VIPR2: variants seen among roughly 807,000 people sequenced by gnomAD.
The protein encoded by VIPR2 is vasoactive intestinal polypeptide receptor 2.
Under a neutral mutation model 58.0 loss-of-function variants are expected in VIPR2, and 48 were observed. The observed-to-expected ratio is 0.83, with a 90% confidence interval of 0.66 to 1.05. The LOEUF (loss-of-function observed/expected upper bound fraction) is 1.05. Among genes scored for constraint, VIPR2 ranks in the 50% least tolerant of loss-of-function variants. VIPR2 has a pLI of 0.00. For missense variants in VIPR2, 534 were observed against 558.0 expected (o/e 0.96, Z 0.43); for synonymous variants, 243 against 235.2 (o/e 1.03, Z -0.30).
At chr7:159,105,778 C>T (rs1205837658) in intron 3 of VIPR2, among the ~76,000 whole-genome samples, 1 of 152,234 alleles carries the variant, frequency 6.6e-6, no homozygotes, top group Non-Finnish European at 1.5e-5. Context: ...GACCTGGTCC[C>T]ACGGCCCCAT....
At chr7:159,123,233 C>T (rs909172431) in intron 2 of VIPR2, among the ~76,000 whole-genome samples, 1 of 126,702 alleles carries the variant, frequency 7.9e-6, no homozygotes, top group Admixed American at 1.1e-4. Flanking sequence ...GCAGAGGTTG[C>T]AGTGAGCCAA....
chr7:159,038,867 G>A (rs1585337848), intron 6 of VIPR2, among the ~76,000 whole-genome samples: 1 of 152,174 alleles, frequency 6.6e-6, no homozygotes, highest in African/African-American at 2.4e-5. Flanking sequence ...GACAAATCAT[G>A]AATCTGGAAA....
chr7:159,104,643 A>C, intron 3 of VIPR2, among the ~76,000 whole-genome samples: 2 of 120,712 alleles, frequency 1.7e-5, no homozygotes, highest in African/African-American at 3.4e-5. Flanking sequence ...TCCCGACAGC[A>C]CCCTCCCTCC....
At chr7:159,103,995 A>G (rs2129495940) in intron 3 of VIPR2, 141 bp from the exon 4 acceptor site, 3 of 709,096 alleles carry the variant, frequency 4.2e-6, no homozygotes, top group South Asian at 1.8e-5. Context: ...CTGCCACTCA[A>G]AAAACCTTCC....
chr7:159,144,127 C>T (rs1042101298), intron 1 of VIPR2, among the ~76,000 whole-genome samples: 14 of 151,158 alleles, frequency 9.3e-5, no homozygotes, highest in Non-Finnish European at 1.9e-4. Flanking sequence ...TTTTTTCTTT[C>T]CTTTTTTTTT....
In VIPR2 at chr7:159,132,852, C is replaced by CAGAATGATTGGCATACA. The variant is rs1210048587; in HGVS notation, c.151+9593_151+9594insTGTATGCCAATCATTCT. Among the ~76,000 whole-genome samples the CAGAATGATTGGCATACA allele has an allele frequency of 6.3e-4, 25 of 39,938 alleles. 2 individuals carry two copies. The East Asian group carries it at 0.017, about 28-fold the overall frequency. The allele number at this position is 39,938 out of a possible 152,430, so 26.2% of individuals were successfully genotyped here. On this transcript the variant is annotated intron_variant, in intron 2 of 12. Coordinates refer to ENST00000262178, the MANE Select transcript of VIPR2 (RefSeq NM_003382.5). ...ATTTGAGACAGAATGATTGGCATACCGATTGATTTTAGACAGAATGATTGG... is the reference window on the plus strand; with the variant it reads ...ATTTGAGACAGAATGATTGGCATACCAGAATGATTGGCATACAGATTGATTTTAGACAGAATGATTGG...
intron 4 of VIPR2, among the ~76,000 whole-genome samples, chr7:159,088,894 G>A (rs202204543): frequency 0.14 from 4,105 of 29,694 alleles, 1,189 homozygotes; most frequent in African/African-American, 0.32. Context: ...CTCAGGCCTC[G>A]GCTCCTCATC....
At chr7:159,061,629 G>A (rs1019695148) in intron 4 of VIPR2, among the ~76,000 whole-genome samples, 5 of 151,928 alleles carry the variant, frequency 3.3e-5, no homozygotes, top group African/African-American at 1.2e-4. Flanking sequence ...CTCCAGCCTG[G>A]GTGACAGAGC....
rs372769682 is a variant in VIPR2 at position 159,040,749 on chromosome 7, T to G, written c.597+2286A>C. Among the ~76,000 whole-genome samples the G allele has an allele frequency of 2.9e-3, 441 of 152,340 alleles. 5 individuals are homozygous for G. The highest frequency in any genetic ancestry group is 1.0e-2 in the African/African-American group (415 of 41,572). On this transcript the variant is annotated intron_variant, in intron 6 of 12. Transcript: ENST00000262178. ...GAAGGAAAGCTATTTTTCCTGTTTC[T>G]TATACTGAGGTCTGACTATTTCTGG... is the stretch of plus-strand genomic sequence containing the variant.
intron 10 of VIPR2, 37 bp downstream of exon 10, chr7:159,034,176 C>G (rs1853766728): frequency 7.5e-6 from 12 of 1,604,004 alleles, no homozygotes; most frequent in Non-Finnish European, 1.0e-5. Context: ...CACACGGCAT[C>G]CCCATCAGGG....
At chr7:159,140,425 C>T (rs570232937) in intron 2 of VIPR2, among the ~76,000 whole-genome samples, 2 of 152,310 alleles carry the variant, frequency 1.3e-5, no homozygotes, top group East Asian at 3.9e-4. Context: ...ATTTGAGCCA[C>T]GCATATTTCA....
intron 8 of VIPR2, among the ~76,000 whole-genome samples, chr7:159,035,477 A>G (rs1853874963): frequency 6.6e-6 from 1 of 152,184 alleles, no homozygotes; most frequent in African/African-American, 2.4e-5. Flanking sequence ...TTGTGCTGGA[A>G]CCACGCGTGC....
At chr7:159,051,974 A>G (rs776383138) in intron 5 of VIPR2, among the ~76,000 whole-genome samples, 28 of 152,216 alleles carry the variant, frequency 1.8e-4, no homozygotes, top group Non-Finnish European at 1.5e-5. Context: ...ACAATCAGTA[A>G]AGATTTGGAA....
At chr7:159,135,004 G>GTTTTTTGTTTTTTTTTTTTTTTTT (rs1416758329) in intron 2 of VIPR2, among the ~76,000 whole-genome samples, 1 of 65,992 alleles carries the variant, frequency 1.5e-5, no homozygotes, top group African/African-American at 6.5e-5. Context: ...AATTACAAAA[G>GTTTTTTGTTTTTTTTTTTTTTTTT]TTTTTTTTTT....
chr7:159,101,281 C>T (rs1325584889), intron 4 of VIPR2, among the ~76,000 whole-genome samples: 40 of 146,912 alleles, frequency 2.7e-4, no homozygotes, highest in Middle Eastern at 7.5e-3. Flanking sequence ...GCGGTTCCCC[C>T]GACTGTTCCT....
chr7:159,082,208 A>G (rs919985281), intron 4 of VIPR2, among the ~76,000 whole-genome samples: 5 of 152,218 alleles, frequency 3.3e-5, no homozygotes, highest in African/African-American at 1.2e-4. Flanking sequence ...AAGACTTGGA[A>G]CTAACCCAAA....
chr7:159,061,119 T>C (rs1855620893), intron 4 of VIPR2, among the ~76,000 whole-genome samples: 1 of 151,972 alleles, frequency 6.6e-6, no homozygotes, highest in Non-Finnish European at 1.5e-5. Context: ...CTAAGCCAAT[T>C]AGCACAGCAA....
chr7:159,033,028 A>G (rs889038895), intron 10 of VIPR2, among the ~76,000 whole-genome samples: 1 of 152,088 alleles, frequency 6.6e-6, no homozygotes, highest in Non-Finnish European at 1.5e-5. Flanking sequence ...TTTAGACACT[A>G]CACAGCAGAA....
At chr7:159,085,119 G>A (rs1857103864) in intron 4 of VIPR2, among the ~76,000 whole-genome samples, 1 of 152,206 alleles carries the variant, frequency 6.6e-6, no homozygotes, top group South Asian at 2.1e-4. Context: ...ATATCCTGGT[G>A]TGAAGCATCA....
Sources: allele counts gnomAD v4.1 joint callset (sites outside exome capture counted in the v4.1 genomes callset), GRCh38; gene constraint gnomAD v4.1.1; transcripts MANE v1.5; gene names NCBI Gene and HGNC (gene_info 2026-07-23, HGNC 2026-07-21).